USP25: variants seen among roughly 807,000 people sequenced by gnomAD.
The protein encoded by USP25 is ubiquitin carboxyl-terminal hydrolase 25.
A neutral mutation model predicts 158.5 loss-of-function variants in USP25; 85 were observed. That is an observed-to-expected ratio of 0.54 (90% CI 0.45 to 0.64). The LOEUF (loss-of-function observed/expected upper bound fraction) is 0.64. Among genes scored for constraint, USP25 ranks in the 30% least tolerant of loss-of-function variants. The pLI is 0.00. For missense variants in USP25, 1,242 were observed against 1,327.3 expected (o/e 0.94, Z 1.00); for synonymous variants, 464 against 460.4 (o/e 1.01, Z -0.10).
At chr21:15,730,976 GTTTTTTT>G (rs748732727) in intron 1 of USP25, among the ~76,000 whole-genome samples, 821 of 53,690 alleles carry the variant, frequency 0.015, 15 homozygotes, top group African/African-American at 0.051. Context: ...CTTCTTTTCT[GTTTTTTT>G]TTTTTTTTTT....
chr21:15,834,640 G>T (rs930622651), intron 17 of USP25, among the ~76,000 whole-genome samples: 4 of 152,106 alleles, frequency 2.6e-5, no homozygotes, highest in Admixed American at 1.3e-4. Context: ...TGTGACTGTC[G>T]CAGGCATGCA....
chr21:15,826,962 T>C lies in USP25; in HGVS notation c.1467-15T>C, dbSNP rs925304218. ...CTTGAAAGGTTAATAAGAAATACTC[T>C]ATGCTTTGATACAGCACAACAGAAC... On this transcript the variant is annotated splice_polypyrimidine_tract_variant and intron_variant, in intron 13 of 25. Coordinates refer to ENST00000400183, the MANE Select transcript of USP25 (RefSeq NM_001283041.3). This position sits in a 1 kb window ranked among gnomAD's most constrained non-coding sequence, Gnocchi z 4.8. 5 of 1,611,494 alleles carry C rather than the reference T, an allele frequency of 3.1e-6. No individual in the cohort carries two copies. Among genetic ancestry groups the C allele is most frequent in the Middle Eastern group, 1.6e-4 (1 of 6,084 alleles).
chr21:15,820,090 T>G (rs986421775), intron 10 of USP25, among the ~76,000 whole-genome samples: 37 of 152,036 alleles, frequency 2.4e-4, no homozygotes, highest in African/African-American at 8.0e-4. Context: ...AATGTTTAAA[T>G]TCAGCTTATT....
chr21:15,790,332 T>G (rs1203541827), intron 4 of USP25, among the ~76,000 whole-genome samples: 1 of 152,042 alleles, frequency 6.6e-6, no homozygotes, highest in Non-Finnish European at 1.5e-5. Flanking sequence ...ACATATCATG[T>G]TGTTACCAGT....
At chr21:15,763,372 A>AT (rs1213046492) in intron 2 of USP25, among the ~76,000 whole-genome samples, 3 of 152,230 alleles carry the variant, frequency 2.0e-5, no homozygotes, top group African/African-American at 7.2e-5. Flanking sequence ...GAAAACTTAC[A>AT]TTTTTCTTCT....
At chr21:15,862,351 C>T (rs77892759) in intron 20 of USP25, among the ~76,000 whole-genome samples, 3 of 151,948 alleles carry the variant, frequency 2.0e-5, no homozygotes, top group Admixed American at 1.3e-4. Context: ...TCGGAATGCT[C>T]AACCAGCATA....
chr21:15,842,825 A>T (rs1302543204), intron 18 of USP25, among the ~76,000 whole-genome samples: 1 of 152,330 alleles, frequency 6.6e-6, no homozygotes, highest in Admixed American at 6.5e-5. Flanking sequence ...ACTTAAAAAG[A>T]GAAGTGTAAA....
chr21:15,742,949 G>A (rs887676465), intron 1 of USP25, among the ~76,000 whole-genome samples: 1 of 152,230 alleles, frequency 6.6e-6, no homozygotes, highest in Non-Finnish European at 1.5e-5. Context: ...CAGATGAGGG[G>A]AACGTGGTGG....
chr21:15,839,777 T>C (rs2038239686), intron 17 of USP25, among the ~76,000 whole-genome samples: 1 of 152,018 alleles, frequency 6.6e-6, no homozygotes, highest in South Asian at 2.1e-4. Context: ...GTGAGTAGCC[T>C]GTGTTTCATC....
At chr21:15,855,395 C>T (rs908589621) in intron 20 of USP25, among the ~76,000 whole-genome samples, 2 of 152,004 alleles carry the variant, frequency 1.3e-5, no homozygotes, top group Non-Finnish European at 2.9e-5. Flanking sequence ...TTGAAAAGTA[C>T]AACTCGGTGA....
At chr21:15,840,939 A>C (rs1327129102) in intron 17 of USP25, among the ~76,000 whole-genome samples, 1 of 152,200 alleles carries the variant, frequency 6.6e-6, no homozygotes, top group Non-Finnish European at 1.5e-5. Flanking sequence ...GGCATGAGCC[A>C]CCTATCATGA....
At chr21:15,821,787 T>C (rs913576565) in intron 10 of USP25, among the ~76,000 whole-genome samples, 4 of 151,960 alleles carry the variant, frequency 2.6e-5, no homozygotes, top group East Asian at 3.9e-4. Context: ...TGTTGTTTTT[T>C]TCTCTCCACA....
rs2031236923 is a variant in USP25 at position 15,734,035 on chromosome 21, T to C, written c.45+3597T>C. Among the ~76,000 whole-genome samples, 3 of 152,230 alleles carry C rather than the reference T, an allele frequency of 2.0e-5. No individual in the cohort carries two copies. In the South Asian group the frequency reaches 6.2e-4, roughly 31 times the overall value. On this transcript the variant is annotated intron_variant, in intron 1 of 25. Coordinates refer to ENST00000400183, the MANE Select transcript of USP25 (RefSeq NM_001283041.3). Reference sequence around the variant, plus strand: ...TAATATTAGTATGTTAACAGTAGTATGTTAAGGCTTTAAACTTTAGCAACT... The same window carrying C: ...TAATATTAGTATGTTAACAGTAGTACGTTAAGGCTTTAAACTTTAGCAACT...
At position 15,860,634 on chromosome 21, in the gene USP25, A is replaced by G. The variant is rs187276583; in HGVS notation, c.2548-3634A>G. ...ATTTGTATTACAGTGTGGTCAAAGA[A>G]TATGGCCAATATTATTTCAGTCCTC... is the stretch of plus-strand genomic sequence containing the variant. On this transcript the variant is annotated intron_variant, in intron 20 of 25. Coordinates refer to ENST00000400183, the MANE Select transcript of USP25 (RefSeq NM_001283041.3). 4.8e-3 allele frequency among the ~76,000 whole-genome samples: 726 copies of G among 152,290 alleles called. 5 individuals are homozygous for G. The highest frequency in any genetic ancestry group is 8.1e-3 in the Non-Finnish European group (548 of 68,016).
rs2034580465 is a variant in USP25 at position 15,775,404 on chromosome 21, T to C, written c.269-2500T>C. Among the ~76,000 whole-genome samples the C allele has an allele frequency of 2.0e-5, 3 of 152,174 alleles. No individual in the cohort carries two copies. The South Asian group carries it at 6.2e-4, about 32-fold the overall frequency. On this transcript the variant is annotated intron_variant, in intron 3 of 25. Coordinates refer to ENST00000400183, the MANE Select transcript of USP25 (RefSeq NM_001283041.3). ...CTGGAGGAAAGCTCTAGCTCAGACT[T>C]CTGAAATGACTCCCACATCATTGCA...
chr21:15,781,547 A>G (rs576714682), intron 4 of USP25, among the ~76,000 whole-genome samples: 5 of 152,214 alleles, frequency 3.3e-5, no homozygotes, highest in Admixed American at 1.3e-4. Context: ...ACAACGAATA[A>G]GTTTATTTTG....
intron 4 of USP25, among the ~76,000 whole-genome samples, chr21:15,781,021 A>T (rs1221584299): frequency 2.0e-5 from 3 of 152,252 alleles, no homozygotes; most frequent in Non-Finnish European, 2.9e-5. Context: ...AATATGACAC[A>T]GATTAGTTTC....
intron 5 of USP25, among the ~76,000 whole-genome samples, chr21:15,798,294 T>C (rs1244094591): frequency 6.6e-6 from 1 of 151,348 alleles, no homozygotes; most frequent in East Asian, 1.9e-4. Flanking sequence ...ACTTTGTATC[T>C]TTATTGAGAG....
rs980853827 is a variant in USP25, at chr21:15,751,318, C to A, written c.46-11573C>A. On this transcript the variant is annotated intron_variant, in intron 1 of 25. Transcript: ENST00000400183. The stretch of plus-strand genomic sequence containing the variant: ...CTAGATGAATGGAGTTTCCAAGAGA[C>A]CATAGGACATATTATATAAGTAATT... Among the ~76,000 whole-genome samples, 8 of 152,036 alleles carry A rather than the reference C, an allele frequency of 5.3e-5. No individual in the cohort carries two copies. The East Asian group carries it at 1.5e-3, about 29-fold the overall frequency.
Sources: allele counts gnomAD v4.1 joint callset (sites outside exome capture counted in the v4.1 genomes callset), GRCh38; gene constraint gnomAD v4.1.1; non-coding constraint Gnocchi (gnomAD v3.1); transcripts MANE v1.5; gene names NCBI Gene and HGNC (gene_info 2026-07-23, HGNC 2026-07-21).